The following MME variants were observed in gnomAD, a reference collection of about 807,000 sequenced individuals.
MME encodes the protein neprilysin.
Under a neutral mutation model 113.2 loss-of-function variants are expected in MME, and 98 were observed. That is an observed-to-expected ratio of 0.87 (90% confidence interval 0.74 to 1.02). MME has a LOEUF of 1.02. Ranked by LOEUF, MME falls within the 50% of genes least tolerant of loss-of-function variation. MME has a pLI of 0.00. For synonymous variants in MME, 292 were observed against 300.6 expected (o/e 0.97, Z 0.30); for missense variants, 836 against 896.0 (o/e 0.93, Z 0.86).
In MME at chr3:155,160,437, G is replaced by A; in HGVS notation, c.1649G>A (p.Arg550Lys). 6.2e-7 allele frequency: 1 copy of A among 1,601,750 alleles called. No homozygotes were observed. Among genetic ancestry groups the A allele is most frequent in the Non-Finnish European group, 8.6e-7 (1 of 1,169,152 alleles). ...GTCAATGCATTTTACTCTTCAGGAAGAAATCAGATAGGTAAGGTGTATTCT... is the reference window on the plus strand; with the variant it reads ...GTCAATGCATTTTACTCTTCAGGAAAAAATCAGATAGGTAAGGTGTATTCT... ...AVVNAFYSSG[R>K]NQIVFPAGIL... Residue 550 changes from arginine to lysine, a missense_variant, in exon 17 of 23, where the codon AGA becomes AAA. Physicochemically the swap from Arg to Lys is conservative, Grantham distance 26 (BLOSUM62 2). Coordinates refer to ENST00000360490, the MANE Select transcript of MME (RefSeq NM_007289.4).
intron 1 of MME, among the ~76,000 whole-genome samples, chr3:155,055,538 A>G (rs1376174465): frequency 3.3e-5 from 5 of 152,196 alleles, no homozygotes; most frequent in African/African-American, 1.2e-4. Flanking sequence ...TAGAGATTGC[A>G]GTGAGTCCAG....
intron 1 of MME, among the ~76,000 whole-genome samples, chr3:155,082,978 A>G (rs1432343833): frequency 6.6e-6 from 1 of 152,218 alleles, no homozygotes; most frequent in African/African-American, 2.4e-5. Flanking sequence ...AGCAATTTGT[A>G]TTGAGCTATA....
At chr3:155,118,961 T>C (rs548374307) in intron 8 of MME, 150 bp downstream of exon 8, 17 of 630,210 alleles carry the variant, frequency 2.7e-5, no homozygotes, top group Non-Finnish European at 4.9e-5. Flanking sequence ...TAGTGAGCTG[T>C]CTTTGATAGA....
intron 16 of MME, among the ~76,000 whole-genome samples, chr3:155,155,540 A>T (rs1186241886): frequency 6.6e-6 from 1 of 152,186 alleles, no homozygotes. Context: ...CCAAGTGCCT[A>T]CTATGCTCCC....
chr3:155,158,722 T>C (rs1722490817), intron 16 of MME: 1 of 152,094 alleles, frequency 6.6e-6, no homozygotes, highest in South Asian at 2.1e-4. Context: ...TACATGTTTT[T>C]CTTGTGAGTC....
intron 1 of MME, chr3:155,081,337 C>T (rs1715126093): frequency 6.6e-6 from 1 of 152,156 alleles, no homozygotes; most frequent in Admixed American, 6.5e-5. Context: ...TATAGTAATG[C>T]TTATGCTCAA....
intron 3 of MME, among the ~76,000 whole-genome samples, chr3:155,091,831 A>AT (rs1390359552): frequency 4.6e-5 from 7 of 152,152 alleles, no homozygotes; most frequent in African/African-American, 1.7e-4. Flanking sequence ...AGAAAAGGAG[A>AT]TTTTGTCGGG....
At position 155,183,098 on chromosome 3, in the gene MME, C is replaced by T. The variant is rs1713256590; in HGVS notation, c.*2639C>T. The T allele has an allele frequency of 1.3e-5, 2 of 152,196 alleles. No homozygotes were observed. Among genetic ancestry groups the T allele is most frequent in the Admixed American group, 1.3e-4 (2 of 15,268 alleles). The allele number at this position is 152,196 out of a possible 1,614,324, so 9.4% of individuals were successfully genotyped here. On this transcript the variant is annotated 3_prime_UTR_variant, in exon 23 of 23. Transcript: ENST00000360490. ...AATGATGGTAGGAAGAAGCTCTCGACAATACCCGTTGGCAAGGAGTCTGCC... is the reference window on the plus strand; with the variant it reads ...AATGATGGTAGGAAGAAGCTCTCGATAATACCCGTTGGCAAGGAGTCTGCC...
chr3:155,158,759 G>C (rs142982068), intron 16 of MME: 174 of 152,002 alleles, frequency 1.1e-3, no homozygotes, highest in African/African-American at 3.9e-3. Context: ...GAAGCAAATA[G>C]AGTTTAATTA....
chr3:155,167,442 C>A (rs970341061), intron 18 of MME, among the ~76,000 whole-genome samples: 2 of 149,680 alleles, frequency 1.3e-5, no homozygotes, highest in Non-Finnish European at 3.0e-5. Flanking sequence ...GCTTAAGAGA[C>A]CTTTTTTTTT....
intron 1 of MME, among the ~76,000 whole-genome samples, chr3:155,030,191 T>C (rs997256244): frequency 1.3e-5 from 2 of 152,200 alleles, no homozygotes; most frequent in African/African-American, 4.8e-5. Context: ...GTCTTAAGAA[T>C]GGTAAATTAT....
chr3:155,124,381 A>G (rs1214366080), intron 8 of MME, among the ~76,000 whole-genome samples: 1 of 151,884 alleles, frequency 6.6e-6, no homozygotes, highest in Non-Finnish European at 1.5e-5. Flanking sequence ...CCTGTAGCTC[A>G]GAGTAATTTG....
At chr3:155,142,170 A>C in intron 11 of MME, 43 bp downstream of exon 11, 1 of 1,613,324 alleles carries the variant, frequency 6.2e-7, no homozygotes, top group Non-Finnish European at 8.5e-7. Context: ...TTTGCATTTC[A>C]TATCACTCTT....
At chr3:155,050,586 G>A (rs1053540462) in intron 1 of MME, among the ~76,000 whole-genome samples, 1 of 152,148 alleles carries the variant, frequency 6.6e-6, no homozygotes, top group East Asian at 1.9e-4. Flanking sequence ...GATTAGTGAT[G>A]TTGGGCATTT....
chr3:155,057,690 A>ATT (rs11398419), intron 1 of MME, among the ~76,000 whole-genome samples: 3,713 of 134,858 alleles, frequency 0.028, 84 homozygotes, highest in South Asian at 0.091. Flanking sequence ...TCTGGCATTC[A>ATT]TTTTTTTTTT....
At chr3:155,078,116 GT>G (rs990722274), upstream of MME, among the ~76,000 whole-genome samples, 3 of 151,774 alleles carry the variant, frequency 2.0e-5, no homozygotes, top group African/African-American at 7.3e-5. Flanking sequence ...GTGCGTGCCT[GT>G]ATTTCCAGTT....
chr3:155,028,030 G>A (rs1315828046), intron 1 of MME, among the ~76,000 whole-genome samples: 2 of 152,128 alleles, frequency 1.3e-5, no homozygotes, highest in East Asian at 3.9e-4. Context: ...ACCCTAAAGA[G>A]AGAATTCTGC....
Position 155,161,014 on chromosome 3 carries a change from G to T in MME, c.1660+566G>T, listed in dbSNP as rs1722679118. On this transcript the variant is annotated intron_variant, in intron 17 of 22. Coordinates refer to ENST00000360490, the MANE Select transcript of MME (RefSeq NM_007289.4). ...TACCTAGCCACAATTGATCAAAAAA[G>T]AAAAAATTTCGTAAGTTCGCTTATA... is the stretch of plus-strand genomic sequence containing the variant. 4.6e-5 allele frequency among the ~76,000 whole-genome samples: 7 copies of T among 151,868 alleles called. No individual in the cohort carries two copies. The South Asian group carries it at 1.2e-3, about 27-fold the overall frequency.
chr3:155,058,483 A>T (rs1252368993), intron 1 of MME, among the ~76,000 whole-genome samples: 1 of 152,214 alleles, frequency 6.6e-6, no homozygotes, highest in Non-Finnish European at 1.5e-5. Context: ...TGTTAGAAAA[A>T]AGAGAAAAAC....
Sources: gnomAD v4.1 joint callset for allele counts (sites outside exome capture counted in the v4.1 genomes callset) on GRCh38, gnomAD v4.1.1 for gene constraint, MANE v1.5 for transcripts, NCBI Gene and HGNC (gene_info 2026-07-23, HGNC 2026-07-21) for gene names.